The following ZNF609 variants were observed in gnomAD, a reference collection of about 807,000 sequenced individuals.
The protein encoded by ZNF609 is zinc finger protein 609.
A neutral mutation model predicts 109.5 loss-of-function variants in ZNF609; 11 were observed. The ratio of observed to expected loss-of-function variants is 0.10; its 90% confidence interval spans 0.06 to 0.17. ZNF609 has a LOEUF of 0.17. ZNF609 is among the 10% of genes least tolerant of loss of function. The pLI is 1.00. For missense variants in ZNF609, 1,559 were observed against 1,772.4 expected, an observed-to-expected ratio of 0.88 and a Z score of 2.16; for synonymous variants, 646 against 662.0, an observed-to-expected ratio of 0.98 and a Z score of 0.37.
intron 2 of ZNF609, chr15:64,529,182 G>T: frequency 1.4e-6 from 1 of 736,712 alleles, no homozygotes; most frequent in South Asian, 1.4e-5. Flanking sequence ...TGTCATGGAT[G>T]ACCTTGGCTG....
At chr15:64,536,129 T>G (rs997883845) in intron 2 of ZNF609, among the ~76,000 whole-genome samples, 2 of 152,174 alleles carry the variant, frequency 1.3e-5, no homozygotes, top group Non-Finnish European at 1.5e-5. Context: ...CAAGCTGTCC[T>G]CCCGCCTCAG....
chr15:64,640,029 C>T (rs1034839492), intron 3 of ZNF609, among the ~76,000 whole-genome samples: 1 of 152,132 alleles, frequency 6.6e-6, no homozygotes, highest in Non-Finnish European at 1.5e-5. Context: ...AAGCGATTCT[C>T]TTGTCTCAGC....
intron 2 of ZNF609, among the ~76,000 whole-genome samples, chr15:64,588,405 G>A (rs1269279415): frequency 6.1e-5 from 5 of 82,080 alleles, no homozygotes; most frequent in Admixed American, 2.0e-4. Context: ...TCCAGCCTGC[G>A]TAACAGAGCG....
chr15:64,558,677 T>G (rs1894629380), intron 2 of ZNF609, among the ~76,000 whole-genome samples: 1 of 152,182 alleles, frequency 6.6e-6, no homozygotes, highest in South Asian at 2.1e-4. Context: ...TTTTTCTGCT[T>G]CCATCACATC....
chr15:64,628,950 T>TGTTATTACATCAGTG (rs538842041), intron 3 of ZNF609, among the ~76,000 whole-genome samples: 111 of 152,256 alleles, frequency 7.3e-4, no homozygotes, highest in African/African-American at 2.5e-3. Context: ...AATAACATCC[T>TGTTATTACATCAGTG]GTCATCAGAT....
At position 64,647,002 on chromosome 15, in the gene ZNF609, A is replaced by T. The variant is rs145032656; in HGVS notation, c.974-23344A>T. Among the ~76,000 whole-genome samples, 32 of 151,086 alleles carry T rather than the reference A, an allele frequency of 2.1e-4. No individual in the cohort carries two copies. In the East Asian group the frequency reaches 6.2e-3, roughly 29 times the overall value. Reference sequence around the variant, plus strand: ...TAACACGTGCAGTGATAAACTCATTATCACTGTATAGGATGTTGTCAGTTA... The same window carrying T: ...TAACACGTGCAGTGATAAACTCATTTTCACTGTATAGGATGTTGTCAGTTA... On this transcript the variant is annotated intron_variant, in intron 3 of 9. Transcript: ENST00000326648.
rs562325134 is a variant in ZNF609 at position 64,617,318 on chromosome 15, G to A, written c.748-5509G>A. ...ATCACAGGCATCAGCCACCATTCCC[G>A]GCCAAAAAATTAAAAAAAAAAAAAA... On this transcript the variant is annotated intron_variant, in intron 2 of 9. Coordinates refer to ENST00000326648, the MANE Select transcript of ZNF609 (RefSeq NM_015042.2). Among the ~76,000 whole-genome samples, 13 of 150,750 alleles carry A rather than the reference G, an allele frequency of 8.6e-5. No homozygotes were observed. The South Asian group carries it at 2.1e-3, about 24-fold the overall frequency.
chr15:64,529,346 A>C, intron 2 of ZNF609: 1 of 729,292 alleles, frequency 1.4e-6, no homozygotes, highest in Non-Finnish European at 2.5e-6. Context: ...AGTGAGCCCC[A>C]GCCTTCTCCA....
intron 2 of ZNF609, among the ~76,000 whole-genome samples, chr15:64,541,689 A>T (rs1328570200): frequency 2.0e-5 from 3 of 148,590 alleles, no homozygotes; most frequent in South Asian, 4.3e-4. Context: ...AAATACAAAC[A>T]ATTAGCCGGG....
Position 64,664,365 on chromosome 15 carries a change from T to C in ZNF609, c.974-5981T>C, listed in dbSNP as rs565977214. Among the ~76,000 whole-genome samples the C allele has an allele frequency of 5.9e-5, 9 of 152,330 alleles. No individual in the cohort carries two copies. In the South Asian group the frequency reaches 1.9e-3, roughly 32 times the overall value. On this transcript the variant is annotated intron_variant, in intron 3 of 9. Transcript: ENST00000326648. ...TACTCTAAAACTTAATAATGGGTAC[T>C]TAGATTATGTCCATAAGACTTGGTA...
chr15:64,510,276 C>T (rs1349492891), intron 2 of ZNF609, among the ~76,000 whole-genome samples: 2 of 150,964 alleles, frequency 1.3e-5, no homozygotes, highest in Admixed American at 6.6e-5. Flanking sequence ...ATGATCACAG[C>T]TCAGTGCAGC....
At chr15:64,624,971 G>A (rs1005691844) in intron 3 of ZNF609, among the ~76,000 whole-genome samples, 2 of 151,930 alleles carry the variant, frequency 1.3e-5, no homozygotes, top group East Asian at 1.9e-4. Context: ...TGCTGGCCAC[G>A]CTGGTCTTGA....
Position 64,518,726 on chromosome 15 carries a change from A to G in ZNF609, c.747+18560A>G, listed in dbSNP as rs185093263. Among the ~76,000 whole-genome samples the G allele has an allele frequency of 3.1e-3, 466 of 152,284 alleles. 5 individuals are homozygous for G. Among genetic ancestry groups the G allele is most frequent in the Middle Eastern group, 0.014 (4 of 294 alleles). On this transcript the variant is annotated intron_variant, in intron 2 of 9. Transcript: ENST00000326648. ...GTAGATTTGAGAGAATAGAAGTTCA[A>G]TTGATAGCATCTTGGTAATTGATAC...
intron 2 of ZNF609, among the ~76,000 whole-genome samples, chr15:64,584,753 C>T (rs1255608297): frequency 2.6e-5 from 4 of 151,914 alleles, no homozygotes; most frequent in East Asian, 2.0e-4. Flanking sequence ...CTCAGCCTCC[C>T]GAGTAGCTGG....
intron 1 of ZNF609, among the ~76,000 whole-genome samples, chr15:64,467,271 A>G (rs954220891): frequency 2.0e-5 from 3 of 152,172 alleles, no homozygotes; most frequent in Admixed American, 6.5e-5. Flanking sequence ...TTCTCTGGTC[A>G]TTAGTGTCTG....
At chr15:64,655,351 G>A (rs1246282585) in intron 3 of ZNF609, among the ~76,000 whole-genome samples, 1 of 151,582 alleles carries the variant, frequency 6.6e-6, no homozygotes, top group Admixed American at 6.6e-5. Context: ...CAGGAGAATC[G>A]CTTGAACCTG....
intron 1 of ZNF609, among the ~76,000 whole-genome samples, chr15:64,499,022 G>A (rs1893520768): frequency 6.6e-6 from 1 of 152,156 alleles, no homozygotes; most frequent in Admixed American, 6.5e-5. Context: ...TTAGGAGTGG[G>A]AAATTAACTC....
chr15:64,527,653 T>A (rs1893986549), intron 2 of ZNF609, among the ~76,000 whole-genome samples: 1 of 152,164 alleles, frequency 6.6e-6, no homozygotes, highest in East Asian at 1.9e-4. Context: ...GTCCCTAAAG[T>A]CCACCTCTCT....
intron 2 of ZNF609, 56 bp downstream of exon 2, chr15:64,500,222 C>G (rs1893542484): frequency 1.3e-6 from 2 of 1,586,648 alleles, no homozygotes; most frequent in Non-Finnish European, 1.7e-6. Context: ...CTGCCCTGGA[C>G]TAACTGCCAA....
Sources: gnomAD v4.1 joint callset for allele counts (sites outside exome capture counted in the v4.1 genomes callset) on GRCh38, gnomAD v4.1.1 for gene constraint, MANE v1.5 for transcripts, NCBI Gene and HGNC (gene_info 2026-07-23, HGNC 2026-07-21) for gene names.